Variants in FGD5 observed in about 807,000 individuals in gnomAD.
FGD5 encodes FYVE, RhoGEF and PH domain containing 5, also known as FYVE, RhoGEF and PH domain-containing protein 5.
In FGD5, 28 loss-of-function variants were observed where a neutral mutation model predicts 133.4. That is an observed-to-expected ratio of 0.21 (90% CI 0.16 to 0.29). The LOEUF (loss-of-function observed/expected upper bound fraction) is 0.29. FGD5 is among the 10% of genes least tolerant of loss of function. The pLI is 1.00. For missense variants in FGD5, 1,858 were observed against 1,895.2 expected, an observed-to-expected ratio of 0.98 and a Z score of 0.36; for synonymous variants, 810 against 776.5, an observed-to-expected ratio of 1.04 and a Z score of -0.72.
At chr3:14,844,211 AAAAAAAATATATATATATAT>A (rs1282393436) in intron 1 of FGD5, among the ~76,000 whole-genome samples, 2 of 41,470 alleles carry the variant, frequency 4.8e-5, no homozygotes, top group African/African-American at 1.8e-4. Context: ...CATTAAAAAA[AAAAAAAATATATATATATAT>A]ATATATATAT....
At chr3:14,889,172 C>T (rs1439213559) in intron 4 of FGD5, among the ~76,000 whole-genome samples, 2 of 152,128 alleles carry the variant, frequency 1.3e-5, no homozygotes, top group Non-Finnish European at 2.9e-5. Flanking sequence ...ATGGGGAGCG[C>T]TTGCTTGTCT....
At chr3:14,895,317 C>A (rs1378647602) in intron 4 of FGD5, among the ~76,000 whole-genome samples, 1 of 152,190 alleles carries the variant, frequency 6.6e-6, no homozygotes, top group Non-Finnish European at 1.5e-5. Context: ...ATGTTTTATT[C>A]TAGTTGCATC....
intron 13 of FGD5, among the ~76,000 whole-genome samples, chr3:14,919,280 T>G (rs368061521): frequency 2.0e-5 from 3 of 152,240 alleles, no homozygotes; most frequent in African/African-American, 7.2e-5. Context: ...TCATCACTTA[T>G]GTTGCCCTGT....
At chr3:14,854,216 A>C (rs2729693) in intron 1 of FGD5, among the ~76,000 whole-genome samples, 40,836 of 151,698 alleles carry the variant, frequency 0.27, 6,250 homozygotes, top group East Asian at 0.7. Flanking sequence ...ACTAAACTTA[A>C]AATGCTGACC....
intron 19 of FGD5, 79 bp from the exon 20 acceptor site, chr3:14,933,052 T>G (rs559262086): frequency 2.0e-6 from 3 of 1,479,464 alleles, no homozygotes; most frequent in African/African-American, 2.8e-5. Flanking sequence ...AATCTACTAG[T>G]CCAGTCTTTT....
chr3:14,884,196 C>T (rs1016344022), intron 4 of FGD5, among the ~76,000 whole-genome samples: 2 of 152,196 alleles, frequency 1.3e-5, no homozygotes, highest in East Asian at 1.9e-4. Flanking sequence ...ACCTTCTATC[C>T]TCTGTTTTTT....
chr3:14,870,134 TGAGGGAGCCCGAATGG>T (rs2037577109), intron 2 of FGD5, among the ~76,000 whole-genome samples: 1 of 13,280 alleles, frequency 7.5e-5, no homozygotes, highest in African/African-American at 4.6e-4. Flanking sequence ...CGGAATGGCA[TGAGGGAGCCCGAATGG>T]CATGAGGGAG....
chr3:14,907,812 T>A, intron 10 of FGD5, 101 bp downstream of exon 10: 1 of 1,224,920 alleles, frequency 8.2e-7, no homozygotes, highest in Non-Finnish European at 1.2e-6. Context: ...TGGCTGCAGG[T>A]GCTGTCTACC....
At chr3:14,911,282 C>T (rs1175320850) in intron 11 of FGD5, among the ~76,000 whole-genome samples, 2 of 152,170 alleles carry the variant, frequency 1.3e-5, no homozygotes, top group Non-Finnish European at 2.9e-5. Context: ...CAGGAGGAGC[C>T]AAGCGTTGTG....
intron 16 of FGD5, 21 bp from the exon 17 acceptor site, chr3:14,923,987 T>A (rs372956622): frequency 6.2e-7 from 1 of 1,613,650 alleles, no homozygotes; most frequent in Non-Finnish European, 8.5e-7. Context: ...CTCCCTTCCA[T>A]GTGGCTTCTT....
Position 14,819,195 on chromosome 3 carries a change from G to A in FGD5, c.124G>A (p.Val42Ile), listed in dbSNP as rs75869313. 4.9e-5 allele frequency: 76 copies of A among 1,551,004 alleles called. No homozygotes were observed. The East Asian group carries it at 1.7e-3, about 34-fold the overall frequency. ...ATGCAGCAACGGGCGGCTGCCCTGT[G>A]TAGACAGGGGGCTTGATGAGGGGCC... is the stretch of plus-strand genomic sequence containing the variant. Reference protein sequence around the residue: ...NKCSNGRLPCVDRGLDEGPRS... With the variant: ...NKCSNGRLPCIDRGLDEGPRS... The change falls in exon 1 of 20, where the codon GTA becomes ATA. Residue 42 changes from valine to isoleucine, a missense_variant. Physicochemically the swap from Val to Ile is conservative, Grantham distance 29. Around this residue, in one of 3 missense-constraint regions of FGD5, gnomAD observed 1,824 missense variants for 1,848.9 expected, o/e 0.99. Transcript: ENST00000285046. This position sits in a 1 kb window ranked among gnomAD's most constrained non-coding sequence, Gnocchi z 4.1.
chr3:14,870,062 G>T (rs543891956), intron 2 of FGD5, among the ~76,000 whole-genome samples: 82 of 152,242 alleles, frequency 5.4e-4, no homozygotes, highest in African/African-American at 1.9e-3. Flanking sequence ...TGCCAATAGC[G>T]CAGAAGGGTT....
chr3:14,848,695 T>G (rs2037102005), intron 1 of FGD5, among the ~76,000 whole-genome samples: 1 of 152,214 alleles, frequency 6.6e-6, no homozygotes, highest in African/African-American at 2.4e-5. Context: ...TAAATTAACT[T>G]ATTGAACCTT....
chr3:14,918,811 T>C lies in FGD5; in HGVS notation c.3547T>C (p.Ser1183Pro), dbSNP rs1454909587. The C allele has an allele frequency of 1.2e-6, 2 of 1,613,768 alleles. No homozygotes were observed. Among genetic ancestry groups the C allele is most frequent in the Non-Finnish European group, 1.7e-6 (2 of 1,179,900 alleles). ...CGCTCTAAAGATTGAGACTTCCGAG[T>C]CCTGCCTGATGCTGTCTGCGAGGTA... The part of the protein sequence containing the change: ...PYALKIETSE[S>P]CLMLSASSCA... The change falls in exon 13 of 20, where the codon TCC becomes CCC. Residue 1183 changes from serine to proline, a missense_variant. Physicochemically the swap from Ser to Pro is moderately conservative, Grantham distance 74. Around this residue, in one of 3 missense-constraint regions of FGD5, gnomAD observed 1,824 missense variants for 1,848.9 expected, o/e 0.99. Transcript: ENST00000285046.
chr3:14,898,964 C>T (rs1030590903), intron 7 of FGD5, 138 bp downstream of exon 7: 25 of 736,072 alleles, frequency 3.4e-5, no homozygotes, highest in Admixed American at 2.4e-4. Context: ...CTGCCATCAC[C>T]TTTCCCTCCA....
In FGD5 at chr3:14,820,868, C is replaced by A. The variant is rs867906374; in HGVS notation, c.1797C>A (p.Asn599Lys). 5 of 1,613,536 alleles carry A rather than the reference C, an allele frequency of 3.1e-6. No homozygotes were observed. The African/African-American group carries it at 6.7e-5, about 22-fold the overall frequency. ...CCTCTGGGAGTTTCTCCCAGAGAAACCACCTTCCGTCCAGCGGCACCTCCA... is the reference window on the plus strand; with the variant it reads ...CCTCTGGGAGTTTCTCCCAGAGAAAACACCTTCCGTCCAGCGGCACCTCCA... Reference protein sequence around the residue: ...IGSSGSFSQRNHLPSSGTSTP... With the variant: ...IGSSGSFSQRKHLPSSGTSTP... The change falls in exon 1 of 20, where the codon AAC becomes AAA. Residue 599 changes from asparagine to lysine, a missense_variant. This residue lies in a region of FGD5 where 1,824 missense variants were observed against 1,848.9 expected (regional missense o/e 0.99). Transcript: ENST00000285046.
At chr3:14,848,586 A>G (rs1219853304) in intron 1 of FGD5, among the ~76,000 whole-genome samples, 1 of 152,200 alleles carries the variant, frequency 6.6e-6, no homozygotes, top group East Asian at 1.9e-4. Flanking sequence ...TTCCTTAAGA[A>G]GTGTGTGAAA....
intron 1 of FGD5, among the ~76,000 whole-genome samples, chr3:14,847,456 A>C (rs867690719): frequency 1.3e-5 from 2 of 152,208 alleles, no homozygotes; most frequent in African/African-American, 2.4e-5. Flanking sequence ...GCCGAGCCCA[A>C]TTAGCATCCC....
Position 14,933,291 on chromosome 3 carries a change from T to A in FGD5, c.*124T>A. 8.9e-7 allele frequency: 1 copy of A among 1,128,694 alleles called. No individual in the cohort carries two copies. Among genetic ancestry groups the A allele is most frequent in the Non-Finnish European group, 1.3e-6 (1 of 764,836 alleles). The allele number at this position is 1,128,694 out of a possible 1,614,324, so 69.9% of individuals were successfully genotyped here. On this transcript the variant is annotated 3_prime_UTR_variant, in exon 20 of 20. Transcript: ENST00000285046. ...GATTCAGCAATGAGGCCTGACCTTT[T>A]TTGCTATAACCGCCCCACCACTCCC...
Sources: allele counts gnomAD v4.1 joint callset (sites outside exome capture counted in the v4.1 genomes callset), GRCh38; gene constraint gnomAD v4.1.1; regional missense constraint gnomAD v4.1.1; non-coding constraint Gnocchi (gnomAD v3.1); transcripts MANE v1.5; gene names NCBI Gene and HGNC (gene_info 2026-07-23, HGNC 2026-07-21).